Variants in MPDZ observed in about 807,000 individuals in gnomAD.
The protein encoded by MPDZ is multiple PDZ domain protein.
In MPDZ, 234 loss-of-function variants were observed where a neutral mutation model predicts 239.1. That is an observed-to-expected ratio of 0.98 (90% CI 0.88 to 1.09). The LOEUF (loss-of-function observed/expected upper bound fraction) is 1.09, where lower values mean the gene tolerates loss of function less well. MPDZ is among the 50% of genes least tolerant of loss of function. The pLI is 0.00. For missense variants in MPDZ, 3,175 were observed against 2,510.0 expected, an observed-to-expected ratio of 1.26 and a Z score of -5.66; for synonymous variants, 1,048 against 881.3, an observed-to-expected ratio of 1.19 and a Z score of -3.35.
intron 19 of MPDZ, among the ~76,000 whole-genome samples, chr9:13,182,654 G>A: frequency 6.6e-6 from 1 of 151,752 alleles, no homozygotes; most frequent in Non-Finnish European, 1.5e-5. Context: ...AAAAACAAAT[G>A]GCCAATATTA....
In MPDZ at chr9:13,133,899, CTCTG is replaced by C; in HGVS notation, c.4385_4388del (p.Thr1462SerfsTer46). Reference sequence around the variant, plus strand: ...CTGCATCAGAAGTAGTAACAGTTGGCTCTGTCTGACAGAGGGAAAGAAATGACAA... The same window carrying C: ...CTGCATCAGAAGTAGTAACAGTTGGCTCTGACAGAGGGAAAGAAATGACAA... On this transcript the variant is annotated frameshift_variant and splice_region_variant, in exon 32 of 47. Coordinates refer to ENST00000319217, the MANE Select transcript of MPDZ (RefSeq NM_001378778.1). LOFTEE classifies it high-confidence loss of function. 6.4e-7 allele frequency: 1 copy of C among 1,562,748 alleles called. No homozygotes were observed. The highest frequency in any genetic ancestry group is 8.7e-7 in the Non-Finnish European group (1 of 1,151,300).
intron 21 of MPDZ, among the ~76,000 whole-genome samples, chr9:13,171,808 C>A (rs1951817813): frequency 6.6e-6 from 1 of 152,022 alleles, no homozygotes; most frequent in South Asian, 2.1e-4. Flanking sequence ...CATCACTAGA[C>A]AAAGAAAAAA....
chr9:13,263,411 A>G (rs1392670812), intron 1 of MPDZ, among the ~76,000 whole-genome samples: 1 of 151,682 alleles, frequency 6.6e-6, no homozygotes, highest in Non-Finnish European at 1.5e-5. Flanking sequence ...AAAAAAAAAA[A>G]GATTTCGCCT....
In MPDZ at chr9:13,136,325, C is replaced by CTTTTTTTTT. The variant is rs869272418; in HGVS notation, c.4293-152_4293-144dup. The CTTTTTTTTT allele has an allele frequency of 2.1e-3, 323 of 156,676 alleles. 38 individuals are homozygous for CTTTTTTTTT. The highest frequency in any genetic ancestry group is 0.014 in the African/African-American group (219 of 16,176). 9.7% of individuals were successfully genotyped at this position (156,676 alleles called of 1,614,324 possible). A position where few individuals can be genotyped will look rare whatever the true frequency, so the allele number is the denominator to read the frequency against. Reference sequence around the variant, plus strand: ...ACACTTACAAATTTACAAACGTTTTCTTTTTTTTTTTTTTTTTTTTTTTTG... The same window carrying CTTTTTTTTT: ...ACACTTACAAATTTACAAACGTTTTCTTTTTTTTTTTTTTTTTTTTTTTTTTTTTTTTTG... On this transcript the variant is annotated intron_variant, in intron 30 of 46. Transcript: ENST00000319217.
chr9:13,199,493 C>T (rs1470509770), intron 12 of MPDZ, among the ~76,000 whole-genome samples: 1 of 151,922 alleles, frequency 6.6e-6, no homozygotes, highest in Non-Finnish European at 1.5e-5. Flanking sequence ...CCCGTTATTT[C>T]CTTCTCTTGC....
At chr9:13,177,322 G>A (rs1296226049) in intron 19 of MPDZ, among the ~76,000 whole-genome samples, 1 of 152,200 alleles carries the variant, frequency 6.6e-6, no homozygotes, top group African/African-American at 2.4e-5. Flanking sequence ...CATATACTGT[G>A]TATGCATATA....
chr9:13,219,058 T>C (rs938172407), intron 8 of MPDZ, among the ~76,000 whole-genome samples: 31 of 151,954 alleles, frequency 2.0e-4, no homozygotes, highest in African/African-American at 6.3e-4. Flanking sequence ...AGACATACTT[T>C]AAAACAATAA....
At chr9:13,123,054 A>C (rs1944593897) in intron 36 of MPDZ, 99 bp downstream of exon 36, 1 of 1,268,664 alleles carries the variant, frequency 7.9e-7, no homozygotes, top group Middle Eastern at 2.9e-4. Context: ...TTCGGCCTTC[A>C]CATTTCCTTT....
At chr9:13,259,870 G>T (rs1414339186) in intron 1 of MPDZ, among the ~76,000 whole-genome samples, 1 of 152,074 alleles carries the variant, frequency 6.6e-6, no homozygotes, top group African/African-American at 2.4e-5. Context: ...GTCTCACTTT[G>T]TCACTCAGGC....
intron 28 of MPDZ, among the ~76,000 whole-genome samples, chr9:13,138,777 G>A (rs1387070047): frequency 6.6e-6 from 1 of 152,132 alleles, no homozygotes; most frequent in Non-Finnish European, 1.5e-5. Context: ...ATCTAAGAGG[G>A]CTGACGCCTC....
In MPDZ at chr9:13,140,045, T is replaced by A. The variant is rs1473910559; in HGVS notation, c.3945A>T (p.Ser1315=). Residue 1315 remains serine, a synonymous_variant, in exon 28 of 47, where the codon TCA becomes TCT. Transcript: ENST00000319217. Reference sequence around the variant, plus strand: ...CATCTTGTGAGATTTTGCTTGCAGATGACTGTGTGTGATCACTACCCATTT... The same window carrying A: ...CATCTTGTGAGATTTTGCTTGCAGAAGACTGTGTGTGATCACTACCCATTT... The part of the protein sequence containing the change: ...FAEMGSDHTQ[S]SASKISQDVD... The A allele has an allele frequency of 1.2e-6, 2 of 1,613,304 alleles. No individual in the cohort carries two copies. Among genetic ancestry groups the A allele is most frequent in the Non-Finnish European group, 1.7e-6 (2 of 1,179,730 alleles).
At chr9:13,187,647 T>C (rs762471141) in intron 17 of MPDZ, among the ~76,000 whole-genome samples, 1 of 152,320 alleles carries the variant, frequency 6.6e-6, no homozygotes, top group Middle Eastern at 3.4e-3. Flanking sequence ...TGCACAAAAC[T>C]TTGGCACTTA....
intron 4 of MPDZ, among the ~76,000 whole-genome samples, 162 bp downstream of exon 4, chr9:13,224,212 T>A (rs758374910): frequency 6.6e-6 from 1 of 152,082 alleles, no homozygotes; most frequent in Non-Finnish European, 1.5e-5. Context: ...AAAACTGTAA[T>A]AGAAAACGTC....
chr9:13,130,077 G>A (rs1427289554), intron 32 of MPDZ, among the ~76,000 whole-genome samples: 1 of 152,158 alleles, frequency 6.6e-6, no homozygotes, highest in Non-Finnish European at 1.5e-5. Context: ...GACAATCACA[G>A]AAGGCTACTA....
At chr9:13,185,215 T>C (rs973641654) in intron 18 of MPDZ, among the ~76,000 whole-genome samples, 1 of 152,034 alleles carries the variant, frequency 6.6e-6, no homozygotes, top group South Asian at 2.1e-4. Flanking sequence ...TGTGAAATTA[T>C]TGCATTTATT....
intron 1 of MPDZ, among the ~76,000 whole-genome samples, chr9:13,263,620 G>C (rs1034830853): frequency 1.3e-5 from 2 of 152,054 alleles, no homozygotes; most frequent in Non-Finnish European, 2.9e-5. Context: ...CTCATTTTCT[G>C]ATGCTACTCT....
At chr9:13,204,045 T>C (rs1384764904) in intron 12 of MPDZ, among the ~76,000 whole-genome samples, 1 of 152,110 alleles carries the variant, frequency 6.6e-6, no homozygotes, top group East Asian at 1.9e-4. Flanking sequence ...CAAACATAAA[T>C]ATCCCTTTAA....
intron 28 of MPDZ, among the ~76,000 whole-genome samples, chr9:13,139,538 T>C (rs1364660388): frequency 1.3e-5 from 2 of 152,182 alleles, no homozygotes; most frequent in Non-Finnish European, 1.5e-5. Context: ...AACAGCTTAG[T>C]CAATGCCTAA....
At chr9:13,182,777 A>T (rs1953529884) in intron 19 of MPDZ, among the ~76,000 whole-genome samples, 1 of 152,162 alleles carries the variant, frequency 6.6e-6, no homozygotes, top group Admixed American at 6.6e-5. Context: ...ATTGAACATT[A>T]TAGAGTATGT....
Sources: gnomAD v4.1 joint callset for allele counts (sites outside exome capture counted in the v4.1 genomes callset) on GRCh38, gnomAD v4.1.1 for gene constraint, MANE v1.5 for transcripts, NCBI Gene and HGNC (gene_info 2026-07-23, HGNC 2026-07-21) for gene names.